The following CNTN5 variants were observed in gnomAD, a reference collection of about 807,000 sequenced individuals.
CNTN5 encodes the protein contactin-5.
A neutral mutation model predicts 129.1 loss-of-function variants in CNTN5; 77 were observed. The observed-to-expected ratio is 0.60, with a 90% CI of 0.50 to 0.72. CNTN5 has a LOEUF of 0.72. CNTN5 is among the 30% of genes least tolerant of loss of function. CNTN5 has a pLI of 0.00. For synonymous variants in CNTN5, 509 were observed against 465.6 expected (o/e 1.09, Z -1.20); for missense variants, 1,478 against 1,328.8 (o/e 1.11, Z -1.75).
chr11:99,684,182 G>A (rs1475657384), intron 3 of CNTN5, among the ~76,000 whole-genome samples: 1 of 151,596 alleles, frequency 6.6e-6, no homozygotes, highest in South Asian at 2.1e-4. Flanking sequence ...GAGATCATGT[G>A]GTATTTCACC....
At chr11:99,608,022 G>C (rs1336041157) in intron 3 of CNTN5, among the ~76,000 whole-genome samples, 1 of 142,244 alleles carries the variant, frequency 7.0e-6, no homozygotes, top group Non-Finnish European at 1.5e-5. Context: ...AGTGGGTGCA[G>C]CGCACCAGCA....
chr11:99,554,303 C>T (rs1948597089), intron 2 of CNTN5, among the ~76,000 whole-genome samples: 1 of 152,194 alleles, frequency 6.6e-6, no homozygotes, highest in South Asian at 2.1e-4. Context: ...AGTCTTTCCA[C>T]ACTGTTCCAC....
At chr11:99,366,797 G>T (rs537472114) in intron 2 of CNTN5, among the ~76,000 whole-genome samples, 1 of 152,090 alleles carries the variant, frequency 6.6e-6, no homozygotes, top group Non-Finnish European at 1.5e-5. Flanking sequence ...AAAATATCTC[G>T]CCAGAGGAGT....
chr11:99,741,157 G>C (rs1306093459), intron 3 of CNTN5, among the ~76,000 whole-genome samples: 1 of 152,086 alleles, frequency 6.6e-6, no homozygotes, highest in South Asian at 2.1e-4. Flanking sequence ...TGAGATAAAA[G>C]AATAATAATA....
chr11:99,343,157 G>T (rs565186219), intron 2 of CNTN5, among the ~76,000 whole-genome samples: 256 of 152,292 alleles, frequency 1.7e-3, no homozygotes, highest in African/African-American at 6.0e-3. Context: ...GGAAAGAGAG[G>T]AGGGATGACG....
chr11:100,229,983 C>T (rs1488014216), intron 16 of CNTN5, among the ~76,000 whole-genome samples: 3 of 152,008 alleles, frequency 2.0e-5, no homozygotes, highest in Non-Finnish European at 2.9e-5. Context: ...AGACAAAATC[C>T]AGTAGTTATG....
intron 10 of CNTN5, among the ~76,000 whole-genome samples, chr11:100,064,993 C>A (rs60156878): frequency 6.6e-6 from 1 of 151,996 alleles, no homozygotes; most frequent in Non-Finnish European, 1.5e-5. Context: ...GTATCATGTG[C>A]GTCACCAACT....
At chr11:100,210,899 G>A (rs143098487) in intron 15 of CNTN5, among the ~76,000 whole-genome samples, 7 of 152,240 alleles carry the variant, frequency 4.6e-5, no homozygotes, top group East Asian at 1.9e-4. Flanking sequence ...TTGTGTATTC[G>A]TCTTCACAGA....
chr11:99,853,092 GA>G (rs1462350456), intron 6 of CNTN5, among the ~76,000 whole-genome samples: 2 of 152,124 alleles, frequency 1.3e-5, no homozygotes, highest in Non-Finnish European at 2.9e-5. Context: ...GGGGCAGATA[GA>G]GACTATTCTA....
intron 1 of CNTN5, among the ~76,000 whole-genome samples, chr11:99,069,978 T>A (rs1565292067): frequency 6.6e-6 from 1 of 152,154 alleles, no homozygotes; most frequent in Non-Finnish European, 1.5e-5. Context: ...CAGAGCTCCC[T>A]CTTCCGATAA....
chr11:99,222,073 C>T (rs4145956), intron 1 of CNTN5, among the ~76,000 whole-genome samples: 23,047 of 151,782 alleles, frequency 0.15, 2,153 homozygotes, highest in East Asian at 0.33. Flanking sequence ...ACTGATGTCA[C>T]ATGTATTTAG....
At chr11:99,184,973 TAAA>T (rs1858267386) in intron 1 of CNTN5, among the ~76,000 whole-genome samples, 1 of 151,526 alleles carries the variant, frequency 6.6e-6, no homozygotes, top group African/African-American at 2.4e-5. Context: ...TTCCAGATGA[TAAA>T]GAAACTTGAA....
intron 13 of CNTN5, among the ~76,000 whole-genome samples, chr11:100,107,999 T>TTC (rs1424669659): frequency 1.3e-5 from 2 of 151,738 alleles, no homozygotes; most frequent in Non-Finnish European, 2.9e-5. Flanking sequence ...TTTTTTTTTT[T>TTC]TTTGTAAAGA....
intron 3 of CNTN5, among the ~76,000 whole-genome samples, chr11:99,643,752 G>A (rs1438146069): frequency 6.6e-6 from 1 of 151,964 alleles, no homozygotes; most frequent in Non-Finnish European, 1.5e-5. Flanking sequence ...GAACCCTATG[G>A]TCCTTCTAAT....
At chr11:100,230,231 G>A (rs1032386952) in intron 16 of CNTN5, among the ~76,000 whole-genome samples, 5 of 151,960 alleles carry the variant, frequency 3.3e-5, no homozygotes, top group Non-Finnish European at 1.5e-5. Flanking sequence ...TTTCATTCAC[G>A]CTATCTCTTA....
chr11:99,926,376 A>G (rs1464521100), intron 7 of CNTN5, among the ~76,000 whole-genome samples: 1 of 152,192 alleles, frequency 6.6e-6, no homozygotes, highest in African/African-American at 2.4e-5. Flanking sequence ...ATCAAGTATC[A>G]TTGCTATCTT....
intron 3 of CNTN5, among the ~76,000 whole-genome samples, chr11:99,712,836 A>G (rs973904254): frequency 2.0e-4 from 31 of 151,986 alleles, no homozygotes; most frequent in African/African-American, 7.5e-4. Context: ...CCATCGGTCT[A>G]TATATCTGTT....
chr11:99,369,955 G>T (rs945566159), intron 2 of CNTN5, among the ~76,000 whole-genome samples: 1 of 152,082 alleles, frequency 6.6e-6, no homozygotes, highest in Non-Finnish European at 1.5e-5. Context: ...CAGATAACAG[G>T]CCAAAGTTAT....
At chr11:100,329,838 C>T (rs189233068) in intron 21 of CNTN5, among the ~76,000 whole-genome samples, 5 of 152,294 alleles carry the variant, frequency 3.3e-5, no homozygotes, top group African/African-American at 9.6e-5. Flanking sequence ...ACGCTTTAAT[C>T]CCAGATCTTC....
Sources: allele counts gnomAD v4.1 joint callset (sites outside exome capture counted in the v4.1 genomes callset), GRCh38; gene constraint gnomAD v4.1.1; transcripts MANE v1.5; gene names NCBI Gene and HGNC (gene_info 2026-07-23, HGNC 2026-07-21).